Variants in CYP19A1 observed in about 807,000 individuals in gnomAD.
CYP19A1 encodes cytochrome P450 family 19 subfamily A member 1.
Under a neutral mutation model 44.4 loss-of-function variants are expected in CYP19A1, and 32 were observed. The observed-to-expected ratio is 0.72, with a 90% confidence interval of 0.54 to 0.97. The LOEUF (loss-of-function observed/expected upper bound fraction) is 0.97. Ranked by LOEUF, CYP19A1 falls within the 50% of genes least tolerant of loss-of-function variation. CYP19A1 has a pLI of 0.00. For missense variants in CYP19A1, 598 were observed against 637.8 expected (o/e 0.94, Z 0.67); for synonymous variants, 212 against 215.6 (o/e 0.98, Z 0.14).
At chr15:51,271,650 C>T (rs2035131314) in intron 1 of CYP19A1, among the ~76,000 whole-genome samples, 2 of 152,126 alleles carry the variant, frequency 1.3e-5, no homozygotes, top group South Asian at 4.1e-4. Flanking sequence ...GTTTTCTTTC[C>T]TTCTTCTCTT....
chr15:51,217,397 C>T (rs2031677280), intron 6 of CYP19A1, among the ~76,000 whole-genome samples: 1 of 152,210 alleles, frequency 6.6e-6, no homozygotes, highest in African/African-American at 2.4e-5. Context: ...ACTCTGATCA[C>T]AGGGAAGAGA....
At chr15:51,267,306 C>A (rs1256893835) in intron 1 of CYP19A1, among the ~76,000 whole-genome samples, 1 of 152,152 alleles carries the variant, frequency 6.6e-6, no homozygotes, top group Non-Finnish European at 1.5e-5. Flanking sequence ...CCCGCAGAAT[C>A]TGCGCGGCCC....
chr15:51,236,298 T>C (rs2033389261), intron 3 of CYP19A1, among the ~76,000 whole-genome samples: 2 of 152,226 alleles, frequency 1.3e-5, no homozygotes, highest in African/African-American at 4.8e-5. Flanking sequence ...TACCATCTGC[T>C]CTTTTAGAGG....
At chr15:51,225,521 A>G (rs572267081) in intron 4 of CYP19A1, among the ~76,000 whole-genome samples, 1 of 152,324 alleles carries the variant, frequency 6.6e-6, no homozygotes, top group South Asian at 2.1e-4. Flanking sequence ...GACTTGCCTA[A>G]GGTCAGATAG....
At chr15:51,304,890 C>CAT (rs1555398466) in intron 1 of CYP19A1, among the ~76,000 whole-genome samples, 53 of 104,566 alleles carry the variant, frequency 5.1e-4, no homozygotes, top group Non-Finnish European at 5.8e-4. Flanking sequence ...GTGTCTCTTC[C>CAT]TTTTTTTTTT....
chr15:51,255,763 T>C (rs1337971278), intron 1 of CYP19A1: 2 of 152,202 alleles, frequency 1.3e-5, no homozygotes, highest in Non-Finnish European at 2.9e-5. Context: ...TTCCACATGC[T>C]AGGATATGAT....
At chr15:51,274,599 T>C (rs1049398197) in intron 1 of CYP19A1, among the ~76,000 whole-genome samples, 3 of 152,162 alleles carry the variant, frequency 2.0e-5, no homozygotes, top group African/African-American at 7.2e-5. Flanking sequence ...GCCACAGTGT[T>C]TCTAGCCAAA....
At chr15:51,266,203 G>A (rs1257452513) in intron 1 of CYP19A1, among the ~76,000 whole-genome samples, 1 of 152,276 alleles carries the variant, frequency 6.6e-6, no homozygotes, top group Non-Finnish European at 1.5e-5. Flanking sequence ...ACATGAGGAT[G>A]TGTGCCTACA....
intron 2 of CYP19A1, 77 bp downstream of exon 2, chr15:51,242,691 A>G: frequency 1.0e-6 from 1 of 952,670 alleles, no homozygotes; most frequent in Non-Finnish European, 1.7e-6. Flanking sequence ...GTCCTTTTGC[A>G]AAATTTTCTT....
At position 51,209,433 on chromosome 15, in the gene CYP19A1, AAC is replaced by A. The variant is rs766601656; in HGVS notation, c.*1373_*1374del. ...TATTACTAGACAGTAGGATGAAAAG[AAC>A]AGTCAAATGGGATGGCAATGGATTC... On this transcript the variant is annotated 3_prime_UTR_variant, in exon 10 of 10. Coordinates refer to ENST00000396402, the MANE Select transcript of CYP19A1 (RefSeq NM_000103.4). The A allele has an allele frequency of 6.6e-6, 1 of 152,236 alleles. No individual in the cohort carries two copies. Among genetic ancestry groups the A allele is most frequent in the Non-Finnish European group, 1.5e-5 (1 of 68,032 alleles). 9.4% of individuals were successfully genotyped at this position (152,236 alleles called of 1,614,324 possible).
At chr15:51,275,858 TA>T (rs1227730393) in intron 1 of CYP19A1, among the ~76,000 whole-genome samples, 3 of 152,168 alleles carry the variant, frequency 2.0e-5, no homozygotes, top group Admixed American at 1.3e-4. Context: ...GATTCATTTG[TA>T]ACATAGATCG....
intron 1 of CYP19A1, among the ~76,000 whole-genome samples, chr15:51,299,959 G>A (rs2036078691): frequency 1.3e-5 from 2 of 152,210 alleles, no homozygotes; most frequent in Non-Finnish European, 1.5e-5. Flanking sequence ...GCAGAAATGG[G>A]GATGGGAGTG....
At chr15:51,300,409 T>C (rs1349306070) in intron 1 of CYP19A1, among the ~76,000 whole-genome samples, 1 of 152,192 alleles carries the variant, frequency 6.6e-6, no homozygotes, top group Non-Finnish European at 1.5e-5. Context: ...GAAATCACTT[T>C]GGTGCATTTC....
intron 3 of CYP19A1, among the ~76,000 whole-genome samples, chr15:51,232,264 C>A (rs976232011): frequency 5.9e-5 from 9 of 152,208 alleles, no homozygotes; most frequent in African/African-American, 2.2e-4. Context: ...CACCTGTGAC[C>A]TCCCTGTTGC....
chr15:51,252,720 C>T (rs765553475), intron 1 of CYP19A1, among the ~76,000 whole-genome samples: 8 of 152,132 alleles, frequency 5.3e-5, no homozygotes, highest in Non-Finnish European at 7.3e-5. Flanking sequence ...ACGGAGTGTG[C>T]GCCTGTGGAG....
rs1422220062 is a variant in CYP19A1 at position 51,210,542 on chromosome 15, G to C, written c.*266C>G. ...CTCAAAGCACATTTGGTGGAATCGG[G>C]TCTTTATGGATACGGTTTCTTCACC... is the stretch of plus-strand genomic sequence containing the variant. On this transcript the variant is annotated 3_prime_UTR_variant, in exon 10 of 10. Coordinates refer to ENST00000396402, the MANE Select transcript of CYP19A1 (RefSeq NM_000103.4). 3.3e-6 allele frequency: 2 copies of C among 612,490 alleles called. No homozygotes were observed. The highest frequency in any genetic ancestry group is 6.1e-6 in the Non-Finnish European group (2 of 326,216). 37.9% of individuals were successfully genotyped at this position (612,490 alleles called of 1,614,324 possible). A position where few individuals can be genotyped will look rare whatever the true frequency, so the allele number is the denominator to read the frequency against.
At chr15:51,238,810 C>T (rs561927724) in intron 2 of CYP19A1, among the ~76,000 whole-genome samples, 243 of 152,202 alleles carry the variant, frequency 1.6e-3, no homozygotes, top group Middle Eastern at 6.8e-3. Flanking sequence ...GAGTCCCTAG[C>T]GATCAATTGT....
chr15:51,213,720 C>T (rs2031267131), intron 8 of CYP19A1, among the ~76,000 whole-genome samples: 1 of 152,188 alleles, frequency 6.6e-6, no homozygotes, highest in Non-Finnish European at 1.5e-5. Flanking sequence ...TACATTTCAC[C>T]TCTCAAATAA....
At chr15:51,215,584 C>T (rs916978173) in intron 7 of CYP19A1, 119 bp downstream of exon 7, 46 of 1,572,890 alleles carry the variant, frequency 2.9e-5, no homozygotes, top group African/African-American at 5.4e-5. Flanking sequence ...GATTACAGAA[C>T]TGCTAGAGAA....
Sources: allele counts gnomAD v4.1 joint callset (sites outside exome capture counted in the v4.1 genomes callset), GRCh38; gene constraint gnomAD v4.1.1; transcripts MANE v1.5; gene names NCBI Gene and HGNC (gene_info 2026-07-23, HGNC 2026-07-21).